The following SCN9A variants were observed in gnomAD, a reference collection of about 807,000 sequenced individuals.
SCN9A encodes sodium channel protein type 9 subunit alpha.
SCN9A carries 131 observed loss-of-function variants against 187.0 expected under a neutral mutation model. That is an observed-to-expected ratio of 0.70 (90% confidence interval 0.61 to 0.81). The LOEUF is 0.81. SCN9A is among the 30% of genes least tolerant of loss of function. SCN9A has a pLI of 0.00. For synonymous variants in SCN9A, 809 were observed against 808.6 expected (o/e 1.00, Z -0.01); for missense variants, 2,252 against 2,396.6 (o/e 0.94, Z 1.26).
chr2:166,210,280 G>T (rs985392375), intron 24 of SCN9A, among the ~76,000 whole-genome samples: 1 of 151,864 alleles, frequency 6.6e-6, no homozygotes, highest in Non-Finnish European at 1.5e-5. Context: ...CACAGGAAGG[G>T]GACCATCACA....
At chr2:166,331,904 C>CT (rs1028147445) in intron 1 of SCN9A, among the ~76,000 whole-genome samples, 3 of 151,910 alleles carry the variant, frequency 2.0e-5, no homozygotes, top group East Asian at 1.9e-4. Context: ...TATATGTCTA[C>CT]TTTTTTTTCT....
intron 26 of SCN9A, among the ~76,000 whole-genome samples, chr2:166,201,193 A>G (rs1693494070): frequency 6.7e-6 from 1 of 149,068 alleles, no homozygotes; most frequent in Admixed American, 6.8e-5. Flanking sequence ...CACACACTAT[A>G]TATACACACA....
At chr2:166,372,616 T>A (rs903578706) in intron 1 of SCN9A, among the ~76,000 whole-genome samples, 6 of 152,214 alleles carry the variant, frequency 3.9e-5, no homozygotes, top group African/African-American at 1.4e-4. Flanking sequence ...AAGTACATTA[T>A]CACCTACACT....
intron 24 of SCN9A, among the ~76,000 whole-genome samples, chr2:166,214,123 C>A (rs1311016248): frequency 6.6e-6 from 1 of 152,060 alleles, no homozygotes; most frequent in Non-Finnish European, 1.5e-5. Context: ...TTCATAATTG[C>A]CTTGGTTTTC....
chr2:166,204,923 G>T (rs1693725262), intron 24 of SCN9A: 1 of 152,242 alleles, frequency 6.6e-6, no homozygotes, highest in Non-Finnish European at 1.5e-5. Context: ...ACTACAAAGA[G>T]AATAAAATAC....
At chr2:166,357,248 A>G (rs531579666) in intron 1 of SCN9A, among the ~76,000 whole-genome samples, 20 of 152,298 alleles carry the variant, frequency 1.3e-4, no homozygotes, top group African/African-American at 4.3e-4. Flanking sequence ...TATTTGTAAG[A>G]CAAATGCTTC....
intron 16 of SCN9A, 72 bp downstream of exon 16, chr2:166,276,911 A>G: frequency 8.7e-7 from 1 of 1,143,644 alleles, no homozygotes; most frequent in South Asian, 2.4e-5. Flanking sequence ...AAAATTATAA[A>G]AATAATAGAT....
intron 1 of SCN9A, among the ~76,000 whole-genome samples, chr2:166,337,071 C>T (rs534038802): frequency 2.6e-5 from 4 of 152,064 alleles, no homozygotes; most frequent in East Asian, 1.9e-4. Flanking sequence ...GCAGAAAGAT[C>T]GGTTACCAAG....
chr2:166,355,739 C>A (rs1037044698), intron 1 of SCN9A, among the ~76,000 whole-genome samples: 5 of 151,246 alleles, frequency 3.3e-5, no homozygotes, highest in African/African-American at 1.2e-4. Flanking sequence ...ATTGGGAGGG[C>A]AGTTTTATTT....
Position 166,251,896 on chromosome 2 carries a change from A to T in SCN9A, c.3352-11T>A. 1 of 1,611,848 alleles carries T rather than the reference A, an allele frequency of 6.2e-7. No individual in the cohort carries two copies. Among genetic ancestry groups the T allele is most frequent in the Non-Finnish European group, 8.5e-7 (1 of 1,178,702 alleles). On this transcript the variant is annotated splice_polypyrimidine_tract_variant and intron_variant, in intron 17 of 26. Transcript: ENST00000642356. ...TGACCGGTTTAATCTCTAGAAAGGAATTCACCACCCCACCAGGTAGTTCAT... is the reference window on the plus strand; with the variant it reads ...TGACCGGTTTAATCTCTAGAAAGGATTTCACCACCCCACCAGGTAGTTCAT...
intron 17 of SCN9A, among the ~76,000 whole-genome samples, chr2:166,269,170 A>G (rs1696868220): frequency 6.6e-6 from 1 of 151,988 alleles, no homozygotes; most frequent in African/African-American, 2.4e-5. Context: ...TTAACATCAA[A>G]TGATTTTTAG....
chr2:166,322,269 G>A (rs981606126), intron 1 of SCN9A, among the ~76,000 whole-genome samples: 1 of 152,126 alleles, frequency 6.6e-6, no homozygotes, highest in Non-Finnish European at 1.5e-5. Flanking sequence ...TTGATCCAAT[G>A]TAAAATGAAT....
Position 166,196,744 on chromosome 2 carries a change from A to G in SCN9A, c.*1928T>C, listed in dbSNP as rs1173036679. The G allele has an allele frequency of 1.3e-5, 2 of 152,102 alleles. No homozygotes were observed. The highest frequency in any genetic ancestry group is 2.9e-5 in the Non-Finnish European group (2 of 67,976). The allele number at this position is 152,102 out of a possible 1,614,324, so 9.4% of individuals were successfully genotyped here. On this transcript the variant is annotated 3_prime_UTR_variant, in exon 27 of 27. Coordinates refer to ENST00000642356, the MANE Select transcript of SCN9A (RefSeq NM_001365536.1). ...TGGTAGGTATGTGATAAAATGATCT[A>G]TGTAGTCTCGGAAAACACTGCATGG... is the stretch of plus-strand genomic sequence containing the variant.
chr2:166,272,902 G>T, intron 16 of SCN9A, 27 bp from the exon 17 acceptor site: 1 of 947,464 alleles, frequency 1.1e-6, no homozygotes, highest in Non-Finnish European at 1.5e-6. Flanking sequence ...AGAGGGGGTA[G>T]AGAAATAGGG....
chr2:166,355,358 A>T lies in SCN9A; in HGVS notation c.-51+20339T>A, dbSNP rs532120905. On this transcript the variant is annotated intron_variant, in intron 1 of 26. Coordinates refer to ENST00000642356, the MANE Select transcript of SCN9A (RefSeq NM_001365536.1). ...CCCACAATGTTAAGTATAGTCATTTAAAAAAAAACTTCATAATTTGATATT... is the reference window on the plus strand; with the variant it reads ...CCCACAATGTTAAGTATAGTCATTTTAAAAAAAACTTCATAATTTGATATT... Among the ~76,000 whole-genome samples the T allele has an allele frequency of 4.0e-5, 6 of 151,660 alleles. No homozygotes were observed. In the East Asian group the frequency reaches 5.8e-4, roughly 15 times the overall value.
chr2:166,300,681 C>T (rs1698514416), intron 7 of SCN9A, among the ~76,000 whole-genome samples: 1 of 150,538 alleles, frequency 6.6e-6, no homozygotes, highest in South Asian at 2.1e-4. Flanking sequence ...ATTATGCAGT[C>T]AAAAATGGCT....
intron 17 of SCN9A, among the ~76,000 whole-genome samples, chr2:166,271,873 GAA>G (rs1697006126): frequency 6.6e-6 from 1 of 151,140 alleles, no homozygotes; most frequent in Non-Finnish European, 1.5e-5. Context: ...TTAAAAAAAA[GAA>G]GAGAGAGAGA....
At chr2:166,332,066 G>A (rs916417128) in intron 1 of SCN9A, among the ~76,000 whole-genome samples, 3 of 152,066 alleles carry the variant, frequency 2.0e-5, no homozygotes, top group Admixed American at 6.6e-5. Flanking sequence ...ATTTTAAGTG[G>A]TGAGGCCATC....
intron 17 of SCN9A, among the ~76,000 whole-genome samples, chr2:166,255,118 GGAGAGAGA>G (rs35669204): frequency 5.4e-5 from 8 of 147,558 alleles, no homozygotes; most frequent in Middle Eastern, 3.2e-3. Context: ...AAGAGAGAGA[GGAGAGAGA>G]GAGAGAGAGA....
Sources: gnomAD v4.1 joint callset for allele counts (sites outside exome capture counted in the v4.1 genomes callset) on GRCh38, gnomAD v4.1.1 for gene constraint, MANE v1.5 for transcripts, NCBI Gene and HGNC (gene_info 2026-07-23, HGNC 2026-07-21) for gene names.